IKBKB: variants seen among roughly 807,000 people sequenced by gnomAD.
IKBKB encodes inhibitor of nuclear factor kappa-B kinase subunit beta.
IKBKB carries 42 observed loss-of-function variants against 113.6 expected under a neutral mutation model. The observed-to-expected ratio is 0.37, with a 90% CI of 0.29 to 0.48. The LOEUF (loss-of-function observed/expected upper bound fraction) is 0.48, where lower values mean the gene tolerates loss of function less well. IKBKB is among the 20% of genes least tolerant of loss of function. The pLI, the probability that IKBKB is intolerant of heterozygous loss-of-function variation, is 0.99. For missense variants in IKBKB, 673 were observed against 939.7 expected (o/e 0.72, Z 3.71); for synonymous variants, 296 against 361.3 (o/e 0.82, Z 2.05).
intron 5 of IKBKB, among the ~76,000 whole-genome samples, chr8:42,297,520 A>G (rs754365145): frequency 3.1e-4 from 47 of 152,336 alleles, no homozygotes; most frequent in Non-Finnish European, 6.5e-4. Flanking sequence ...CGCTCAGAAC[A>G]GTGTCAAGAT....
intron 8 of IKBKB, chr8:42,309,320 AAT>A: frequency 6.6e-6 from 3 of 456,402 alleles, no homozygotes; most frequent in Middle Eastern, 3.2e-4. Flanking sequence ...CTATTGTATG[AAT>A]ATACGCACTT....
At chr8:42,273,794 C>T (rs1250280022) in intron 2 of IKBKB, among the ~76,000 whole-genome samples, 1 of 152,030 alleles carries the variant, frequency 6.6e-6, no homozygotes, top group Non-Finnish European at 1.5e-5. Flanking sequence ...CTCAAGTGAT[C>T]TTCCTGCCTT....
intron 8 of IKBKB, chr8:42,309,325 A>G (rs1817232175): frequency 4.5e-6 from 2 of 439,682 alleles, no homozygotes; most frequent in African/African-American, 4.0e-5. Context: ...GTATGAATAT[A>G]CGCACTTACA....
At chr8:42,293,164 G>A (rs954143341) in intron 4 of IKBKB, among the ~76,000 whole-genome samples, 12 of 152,174 alleles carry the variant, frequency 7.9e-5, no homozygotes, top group African/African-American at 2.9e-4. Flanking sequence ...GCTCAGAACT[G>A]CAGCAGCTGG....
At chr8:42,278,550 T>C (rs755483959) in intron 2 of IKBKB, among the ~76,000 whole-genome samples, 9 of 152,166 alleles carry the variant, frequency 5.9e-5, no homozygotes, top group Admixed American at 1.3e-4. Context: ...AGTAGTTTAA[T>C]AGCCCGCTCC....
chr8:42,306,330 C>T lies in IKBKB; in HGVS notation c.478-13C>T, dbSNP rs1280178349. ...TCTTATAACCCTCAGCTTTCTCCTT[C>T]CTTTTGTTTTAGTTAATACACAAAA... On this transcript the variant is annotated splice_polypyrimidine_tract_variant and intron_variant, in intron 6 of 21. Transcript: ENST00000520810. 6.5e-7 allele frequency: 1 copy of T among 1,545,524 alleles called. No individual in the cohort carries two copies. Among genetic ancestry groups the T allele is most frequent in the African/African-American group, 1.4e-5 (1 of 73,632 alleles).
intron 19 of IKBKB, among the ~76,000 whole-genome samples, chr8:42,324,130 C>T (rs1820281182): frequency 6.6e-6 from 1 of 152,192 alleles, no homozygotes; most frequent in African/African-American, 2.4e-5. Context: ...AGGACAGAGA[C>T]ACTGCTTTAT....
chr8:42,295,222 G>A (rs1585632220), intron 5 of IKBKB, among the ~76,000 whole-genome samples: 2 of 147,122 alleles, frequency 1.4e-5, no homozygotes, highest in African/African-American at 2.5e-5. Context: ...GGGTCCAAGC[G>A]ATTCTCCTCC....
chr8:42,274,593 C>T (rs921594657), intron 2 of IKBKB, among the ~76,000 whole-genome samples: 5 of 150,346 alleles, frequency 3.3e-5, no homozygotes, highest in African/African-American at 7.4e-5. Flanking sequence ...AGTGCAGTGG[C>T]GCGATCTTGG....
At chr8:42,283,654 C>T (rs540076927) in intron 2 of IKBKB, among the ~76,000 whole-genome samples, 58 of 152,116 alleles carry the variant, frequency 3.8e-4, no homozygotes, top group Non-Finnish European at 8.1e-4. Flanking sequence ...GGAGCATAGC[C>T]CCACCAACAT....
chr8:42,292,862 T>G (rs1349334802), intron 4 of IKBKB, among the ~76,000 whole-genome samples: 1 of 152,186 alleles, frequency 6.6e-6, no homozygotes, highest in Non-Finnish European at 1.5e-5. Flanking sequence ...CTCAGTTTCC[T>G]CCTCCAACAC....
chr8:42,319,744 A>G, intron 15 of IKBKB, 98 bp downstream of exon 15: 1 of 1,028,552 alleles, frequency 9.7e-7, no homozygotes, highest in Non-Finnish European at 1.4e-6. Context: ...GATCTCTGTC[A>G]AAAATCAGGT....
Position 42,305,251 on chromosome 8 carries a change from C to T in IKBKB, c.453C>T (p.Ile151=), listed in dbSNP as rs551564238. 24 of 1,613,066 alleles carry T rather than the reference C, an allele frequency of 1.5e-5. No homozygotes were observed. The highest frequency in any genetic ancestry group is 6.7e-5 in the Admixed American group (4 of 60,006). The part of the protein sequence containing the change: ...IIHRDLKPEN[I]VLQQGEQRLI... ...ATCGGGATCTAAAGCCAGAAAACAT[C>T]GTCCTGCAGCAAGGAGAACAGAGGG... The change falls in exon 6 of 22, where the codon ATC becomes ATT. Residue 151 remains isoleucine, a synonymous_variant. Coordinates refer to ENST00000520810, the MANE Select transcript of IKBKB (RefSeq NM_001556.3).
At chr8:42,321,866 G>A in intron 16 of IKBKB, 30 bp from the exon 17 acceptor site, 1 of 1,558,352 alleles carries the variant, frequency 6.4e-7, no homozygotes, top group East Asian at 2.2e-5. Context: ...TTGACCTCAA[G>A]TCTAGACAGA....
chr8:42,325,933 C>T (rs1820655299), intron 19 of IKBKB, 37 bp from the exon 20 acceptor site: 3 of 1,612,058 alleles, frequency 1.9e-6, no homozygotes, highest in Non-Finnish European at 2.5e-6. Context: ...TGTGATTCAT[C>T]ACTTGGCTCC....
chr8:42,287,300 C>T (rs980087133), intron 2 of IKBKB, among the ~76,000 whole-genome samples: 8 of 152,162 alleles, frequency 5.3e-5, no homozygotes, highest in African/African-American at 1.4e-4. Flanking sequence ...CTGGTTACCT[C>T]GATAGAGGTT....
At chr8:42,303,018 G>A (rs994482772) in intron 5 of IKBKB, among the ~76,000 whole-genome samples, 5 of 151,606 alleles carry the variant, frequency 3.3e-5, no homozygotes, top group Non-Finnish European at 5.9e-5. Context: ...TAGGATCGCT[G>A]CCTGGGCCTC....
chr8:42,284,852 CTTTTTTTTTT>C (rs559953662), intron 2 of IKBKB, among the ~76,000 whole-genome samples: 1 of 116,096 alleles, frequency 8.6e-6, no homozygotes, highest in Non-Finnish European at 1.7e-5. Flanking sequence ...AAACGTTATT[CTTTTTTTTTT>C]TTTTTTTTTT....
chr8:42,280,179 A>T (rs970318684), intron 2 of IKBKB, among the ~76,000 whole-genome samples: 1 of 152,120 alleles, frequency 6.6e-6, no homozygotes, highest in African/African-American at 2.4e-5. Context: ...CAAAACACTT[A>T]TAAGTCTTCC....
Sources: allele counts gnomAD v4.1 joint callset (sites outside exome capture counted in the v4.1 genomes callset), GRCh38; gene constraint gnomAD v4.1.1; transcripts MANE v1.5; gene names NCBI Gene and HGNC (gene_info 2026-07-23, HGNC 2026-07-21).